The following FAM114A1 variants were observed in gnomAD, a reference collection of about 807,000 sequenced individuals.
FAM114A1 encodes family with sequence similarity 114 member A1.
A neutral mutation model predicts 64.3 loss-of-function variants in FAM114A1; 62 were observed. The ratio of observed to expected loss-of-function variants is 0.96; its 90% CI spans 0.79 to 1.19. The LOEUF (loss-of-function observed/expected upper bound fraction) is 1.19. FAM114A1 is among the 50% of genes most tolerant of loss of function. The pLI, the probability that FAM114A1 is intolerant of heterozygous loss-of-function variation, is 0.00. For synonymous variants in FAM114A1, 254 were observed against 251.1 expected (o/e 1.01, Z -0.11); for missense variants, 645 against 676.3 (o/e 0.95, Z 0.51).
chr4:38,921,222 T>C (rs1217786144), intron 8 of FAM114A1, among the ~76,000 whole-genome samples: 1 of 152,236 alleles, frequency 6.6e-6, no homozygotes, highest in African/African-American at 2.4e-5. Flanking sequence ...CCTTTTACCA[T>C]TTTGGAAATT....
intron 14 of FAM114A1, among the ~76,000 whole-genome samples, chr4:38,941,951 G>A (rs1721607832): frequency 6.6e-6 from 1 of 152,172 alleles, no homozygotes; most frequent in African/African-American, 2.4e-5. Flanking sequence ...AAATTTAATG[G>A]ACTCACAATT....
chr4:38,928,104 C>T (rs903786012), intron 9 of FAM114A1, among the ~76,000 whole-genome samples: 10 of 152,302 alleles, frequency 6.6e-5, no homozygotes, highest in Admixed American at 3.3e-4. Context: ...AGGCTATCTT[C>T]GTGGGCTGCA....
rs182840561 is a variant in FAM114A1, at chr4:38,914,226, C to A, written c.793-695C>A. 1.1e-4 allele frequency among the ~76,000 whole-genome samples: 17 copies of A among 152,044 alleles called. No individual in the cohort carries two copies. The East Asian group carries it at 2.3e-3, about 21-fold the overall frequency. On this transcript the variant is annotated intron_variant, in intron 7 of 14. Coordinates refer to ENST00000358869, the MANE Select transcript of FAM114A1 (RefSeq NM_138389.4). ...GTCATAAGAGATTCAACTTTTCAAG[C>A]ATACATAAAACTCGCTCATTATAGA...
At chr4:38,930,654 T>C (rs770522150) in intron 10 of FAM114A1, among the ~76,000 whole-genome samples, 15 of 152,238 alleles carry the variant, frequency 9.9e-5, no homozygotes, top group Non-Finnish European at 2.2e-4. Context: ...AACTTTGGCG[T>C]GTAAGATTTA....
intron 7 of FAM114A1, among the ~76,000 whole-genome samples, chr4:38,911,729 A>G (rs192563814): frequency 6.6e-6 from 1 of 152,094 alleles, no homozygotes; most frequent in African/African-American, 2.4e-5. Context: ...AAAGAAATAT[A>G]TAACTATGGA....
At chr4:38,912,985 A>C (rs1384832931) in intron 7 of FAM114A1, among the ~76,000 whole-genome samples, 1 of 152,172 alleles carries the variant, frequency 6.6e-6, no homozygotes, top group Non-Finnish European at 1.5e-5. Flanking sequence ...CAGACAGGAG[A>C]GAGAATTCTC....
At position 38,878,437 on chromosome 4, in the gene FAM114A1, G is replaced by T. The variant is rs866590681; in HGVS notation, c.348+11G>T. Reference sequence around the variant, plus strand: ...GAACAGAATTATCTGGTAAGAATGGGTCATTCAATTCACTTCGGCCTAAGT... The same window carrying T: ...GAACAGAATTATCTGGTAAGAATGGTTCATTCAATTCACTTCGGCCTAAGT... On this transcript the variant is annotated intron_variant, in intron 3 of 14. Coordinates refer to ENST00000358869, the MANE Select transcript of FAM114A1 (RefSeq NM_138389.4). The T allele has an allele frequency of 6.4e-7, 1 of 1,557,976 alleles. No individual in the cohort carries two copies. Among genetic ancestry groups the T allele is most frequent in the Admixed American group, 1.9e-5 (1 of 53,074 alleles).
At chr4:38,885,934 A>C (rs1472854960) in intron 3 of FAM114A1, among the ~76,000 whole-genome samples, 1 of 152,232 alleles carries the variant, frequency 6.6e-6, no homozygotes, top group Non-Finnish European at 1.5e-5. Flanking sequence ...AAAAGGAAAA[A>C]AAGTGAGAGT....
intron 2 of FAM114A1, among the ~76,000 whole-genome samples, chr4:38,872,626 T>C (rs1376016911): frequency 1.3e-5 from 2 of 152,252 alleles, no homozygotes; most frequent in Non-Finnish European, 2.9e-5. Flanking sequence ...CTCCTCATTG[T>C]TGTGTCCATA....
chr4:38,935,882 C>T (rs1318534926), intron 13 of FAM114A1, 92 bp downstream of exon 13: 2 of 889,320 alleles, frequency 2.2e-6, no homozygotes, highest in African/African-American at 3.4e-5. Context: ...TTAGTAGCTC[C>T]ATAAAACTGA....
rs188823356 is a variant in FAM114A1 at position 38,881,880 on chromosome 4, A to G, written c.348+3454A>G. On this transcript the variant is annotated intron_variant, in intron 3 of 14. Coordinates refer to ENST00000358869, the MANE Select transcript of FAM114A1 (RefSeq NM_138389.4). ...AAACAAATTCTTGAATCTAAAGTTC[A>G]TTACAAGGTGGTTGTTTGGATTGAA... 6.7e-4 allele frequency among the ~76,000 whole-genome samples: 102 copies of G among 152,352 alleles called. No homozygotes were observed. The East Asian group carries it at 0.014, about 20-fold the overall frequency.
chr4:38,879,408 A>G (rs1445847270), intron 3 of FAM114A1, among the ~76,000 whole-genome samples: 1 of 152,192 alleles, frequency 6.6e-6, no homozygotes, highest in Non-Finnish European at 1.5e-5. Context: ...CATTAACTCC[A>G]TGAGCTTGGG....
At chr4:38,906,186 G>C (rs1270963708) in intron 6 of FAM114A1, among the ~76,000 whole-genome samples, 1 of 152,134 alleles carries the variant, frequency 6.6e-6, no homozygotes. Flanking sequence ...TATCAGAGCT[G>C]GGACAGCTGT....
intron 14 of FAM114A1, among the ~76,000 whole-genome samples, chr4:38,941,689 A>G (rs1177142007): frequency 6.6e-6 from 1 of 152,196 alleles, no homozygotes; most frequent in Non-Finnish European, 1.5e-5. Context: ...AAGGTAGAAG[A>G]TTGGTAGAGG....
intron 2 of FAM114A1, among the ~76,000 whole-genome samples, chr4:38,872,302 A>T (rs1369365504): frequency 6.6e-6 from 1 of 152,230 alleles, no homozygotes; most frequent in African/African-American, 2.4e-5. Context: ...TGCACGTGTC[A>T]CATAGTATAT....
rs145544700 is a variant in FAM114A1, at chr4:38,935,788, G to T, written c.1534G>T (p.Gly512Trp). The change falls in exon 13 of 15, where the codon GGG (glycine) becomes TGG (tryptophan). Residue 512 changes from glycine to tryptophan, a missense_variant and splice_region_variant. Coordinates refer to ENST00000358869, the MANE Select transcript of FAM114A1 (RefSeq NM_138389.4). ...GTTTACGAATTCTTTAACCACTGTT[G>T]GGGTAAGATTACAGTCTTGAATTTT... is the stretch of plus-strand genomic sequence containing the variant. ...KKFTNSLTTV[G>W]SNKKAEVLNP... 1.2e-6 allele frequency: 2 copies of T among 1,607,394 alleles called. No homozygotes were observed. Among genetic ancestry groups the T allele is most frequent in the Non-Finnish European group, 8.5e-7 (1 of 1,174,624 alleles).
intron 10 of FAM114A1, 75 bp from the exon 11 acceptor site, chr4:38,931,376 C>G: frequency 1.3e-6 from 2 of 1,497,160 alleles, no homozygotes; most frequent in Non-Finnish European, 8.9e-7. Context: ...ACACTTGATT[C>G]TAGTCTTGGG....
chr4:38,942,509 A>T (rs144542309), intron 14 of FAM114A1, among the ~76,000 whole-genome samples: 10 of 152,302 alleles, frequency 6.6e-5, no homozygotes, highest in Admixed American at 2.0e-4. Context: ...TTAACTTACC[A>T]TGTCAGGTAT....
chr4:38,908,722 C>G lies in FAM114A1; in HGVS notation c.788C>G (p.Ser263Cys). The change falls in exon 7 of 15, where the codon TCT becomes TGT. Residue 263 changes from serine to cysteine, a missense_variant. Transcript: ENST00000358869. ...KTLMERTVSL[S>C]QMLREAKEKE... Reference sequence around the variant, plus strand: ...CTCATGGAGAGAACTGTTTCCTTGTCTCAGGTTGGATTATATACGTTTGCA... The same window carrying G: ...CTCATGGAGAGAACTGTTTCCTTGTGTCAGGTTGGATTATATACGTTTGCA... 1 of 1,597,954 alleles carries G rather than the reference C, an allele frequency of 6.3e-7. No individual in the cohort carries two copies. Among genetic ancestry groups the G allele is most frequent in the Non-Finnish European group, 8.6e-7 (1 of 1,168,272 alleles).
Sources: gnomAD v4.1 joint callset for allele counts (sites outside exome capture counted in the v4.1 genomes callset) on GRCh38, gnomAD v4.1.1 for gene constraint, MANE v1.5 for transcripts, NCBI Gene and HGNC (gene_info 2026-07-23, HGNC 2026-07-21) for gene names.